DRAM1: variants seen among roughly 807,000 people sequenced by gnomAD.
DRAM1 encodes the protein DNA damage-regulated autophagy modulator protein 1.
Under a neutral mutation model 28.5 loss-of-function variants are expected in DRAM1, and 25 were observed. The observed-to-expected ratio is 0.88, with a 90% CI of 0.64 to 1.23. The LOEUF (loss-of-function observed/expected upper bound fraction) is 1.23. DRAM1 is among the 50% of genes most tolerant of loss of function. The probability of loss-of-function intolerance (pLI) is 0.00; values close to 1 mark genes in which losing one functional copy is unlikely to be tolerated. For synonymous variants in DRAM1, 113 were observed against 114.2 expected, an observed-to-expected ratio of 0.99 and a Z score of 0.07; for missense variants, 249 against 299.2, an observed-to-expected ratio of 0.83 and a Z score of 1.24.
At position 101,922,104 on chromosome 12, in the gene DRAM1, T is replaced by A; in HGVS notation, c.*844T>A. ...CTCAAATTCATTTCATGCCAGTAAA[T>A]GTGGCAAAGAGAAGAAAGGCCCAAG... On this transcript the variant is annotated 3_prime_UTR_variant, in exon 7 of 7. Coordinates refer to ENST00000258534, the MANE Select transcript of DRAM1 (RefSeq NM_018370.3). 6.6e-6 allele frequency: 1 copy of A among 152,140 alleles called. No individual in the cohort carries two copies. Among genetic ancestry groups the A allele is most frequent in the East Asian group, 1.9e-4 (1 of 5,198 alleles). 9.4% of individuals were successfully genotyped at this position (152,140 alleles called of 1,614,324 possible).
chr12:101,917,170 A>C (rs1874277807), intron 5 of DRAM1, among the ~76,000 whole-genome samples: 1 of 152,330 alleles, frequency 6.6e-6, no homozygotes, highest in South Asian at 2.1e-4. Flanking sequence ...CAATGGCAAG[A>C]AGTTAAATAG....
At chr12:101,892,998 A>G (rs1476172831) in intron 1 of DRAM1, among the ~76,000 whole-genome samples, 2 of 152,246 alleles carry the variant, frequency 1.3e-5, no homozygotes. Context: ...GCAAAGGTGT[A>G]GGAATGTGGG....
chr12:101,892,005 A>G (rs1873145415), intron 1 of DRAM1, among the ~76,000 whole-genome samples: 1 of 152,178 alleles, frequency 6.6e-6, no homozygotes, highest in South Asian at 2.1e-4. Flanking sequence ...AAAAATAAAT[A>G]AATAAAAAGA....
Position 101,878,000 on chromosome 12 carries a change from G to T in DRAM1, c.131+80G>T. 1.5e-6 allele frequency: 2 copies of T among 1,355,764 alleles called. No homozygotes were observed. Among genetic ancestry groups the T allele is most frequent in the Admixed American group, 2.7e-5 (1 of 36,808 alleles). 84.0% of individuals were successfully genotyped at this position (1,355,764 alleles called of 1,614,324 possible). Reference sequence around the variant, plus strand: ...AGCGCTGCCGACGGGGAGGGAAGGCGTCCGGACCCAGCTTGGGGCGTCGTG... The same window carrying T: ...AGCGCTGCCGACGGGGAGGGAAGGCTTCCGGACCCAGCTTGGGGCGTCGTG... On this transcript the variant is annotated intron_variant, in intron 1 of 6. Transcript: ENST00000258534. This position sits in a 1 kb window ranked among gnomAD's most constrained non-coding sequence, Gnocchi z 4.1.
In DRAM1 at chr12:101,921,247, A is replaced by T. The variant is rs61748066; in HGVS notation, c.704A>T (p.Asn235Ile). The T allele has an allele frequency of 7.5e-6, 12 of 1,607,126 alleles. No homozygotes were observed. The highest frequency in any genetic ancestry group is 8.5e-7 in the Non-Finnish European group (1 of 1,173,792). The change falls in exon 7 of 7, where the codon AAT (asparagine) becomes ATT (isoleucine). Residue 235 changes from asparagine to isoleucine, a missense_variant. Asn to Ile is a moderately radical substitution (Grantham distance 149, BLOSUM62 -3). This residue lies in a region of DRAM1 where 16 missense variants were observed against 16.2 expected (regional missense o/e 0.99). Coordinates refer to ENST00000258534, the MANE Select transcript of DRAM1 (RefSeq NM_018370.3). ...ACCCTAAGGATATCCACAGAAATCAATGGTGATATTTGAAGAAAGAAGAAT... is the reference window on the plus strand; with the variant it reads ...ACCCTAAGGATATCCACAGAAATCATTGGTGATATTTGAAGAAAGAAGAAT... ...SVTLRISTEI[N>I]GDI
intron 1 of DRAM1, among the ~76,000 whole-genome samples, chr12:101,885,160 C>T (rs1013587680): frequency 2.6e-5 from 4 of 152,090 alleles, no homozygotes; most frequent in Non-Finnish European, 4.4e-5. Flanking sequence ...CTTGAACTCC[C>T]GCCTTGGCCT....
Position 101,897,457 on chromosome 12 carries a change from TC to T in DRAM1, c.132-403del, listed in dbSNP as rs139768199. 0.019 allele frequency among the ~76,000 whole-genome samples: 2,866 copies of T among 152,136 alleles called. 209 individuals carry two copies. In the East Asian group the frequency reaches 0.23, roughly 12 times the overall value. On this transcript the variant is annotated intron_variant, in intron 1 of 6. Coordinates refer to ENST00000258534, the MANE Select transcript of DRAM1 (RefSeq NM_018370.3). ...CTCAGGTGATCCTCCCACCTCCACC[TC>T]CCAAAGTGCTGGGATTACAGGTGTG... is the stretch of plus-strand genomic sequence containing the variant.
chr12:101,900,662 A>G (rs922161082), intron 2 of DRAM1, among the ~76,000 whole-genome samples: 6 of 152,232 alleles, frequency 3.9e-5, no homozygotes, highest in Non-Finnish European at 7.3e-5. Context: ...TGACAGAATT[A>G]AAAAGGCAAG....
chr12:101,884,630 A>G (rs1872816327), intron 1 of DRAM1, among the ~76,000 whole-genome samples: 1 of 152,164 alleles, frequency 6.6e-6, no homozygotes, highest in Non-Finnish European at 1.5e-5. Context: ...CCATGTGAAT[A>G]CAGTTTTGTG....
At chr12:101,895,446 G>A (rs1873323997) in intron 1 of DRAM1, among the ~76,000 whole-genome samples, 1 of 150,810 alleles carries the variant, frequency 6.6e-6, no homozygotes, top group Non-Finnish European at 1.5e-5. Context: ...CAGAAGTCCT[G>A]GAATTACAGG....
intron 3 of DRAM1, among the ~76,000 whole-genome samples, chr12:101,904,162 A>ATT (rs929704585): frequency 8.0e-5 from 12 of 149,694 alleles, no homozygotes; most frequent in African/African-American, 2.7e-4. Flanking sequence ...TGATTTTTGT[A>ATT]TTTTTTTTTA....
intron 5 of DRAM1, among the ~76,000 whole-genome samples, chr12:101,919,347 A>G (rs1434281747): frequency 3.3e-5 from 5 of 151,860 alleles, no homozygotes; most frequent in Admixed American, 3.3e-4. Flanking sequence ...ACACTAGTGT[A>G]TTATTTTCCC....
chr12:101,901,455 G>T (rs768938407), intron 3 of DRAM1, 22 bp downstream of exon 3: 3 of 1,612,410 alleles, frequency 1.9e-6, no homozygotes, highest in Admixed American at 1.7e-5. Context: ...AGCTTTTTCA[G>T]TTATGAGGAG....
At chr12:101,908,668 TGGA>T (rs145006696) in intron 4 of DRAM1, among the ~76,000 whole-genome samples, 16,997 of 151,244 alleles carry the variant, frequency 0.11, 996 homozygotes, top group Middle Eastern at 0.18. Flanking sequence ...CTGGGAAGGG[TGGA>T]GGAGGAGGAG....
chr12:101,895,569 T>TTTGGTTTG (rs1413422450), intron 1 of DRAM1, among the ~76,000 whole-genome samples: 2 of 131,128 alleles, frequency 1.5e-5, no homozygotes, highest in Non-Finnish European at 3.2e-5. Context: ...GGAGGCTATT[T>TTTGGTTTG]TTTTTTTTTT....
At chr12:101,909,512 A>C (rs1873957973) in intron 4 of DRAM1, among the ~76,000 whole-genome samples, 1 of 152,142 alleles carries the variant, frequency 6.6e-6, no homozygotes. Context: ...AAGTCCCTCA[A>C]GGCTAAACTC....
At chr12:101,908,893 CAAAAA>C (rs56843086) in intron 4 of DRAM1, among the ~76,000 whole-genome samples, 1,706 of 70,920 alleles carry the variant, frequency 0.024, 18 homozygotes, top group Non-Finnish European at 0.035. Context: ...TCCCCACAAC[CAAAAA>C]AAAAAAAAAA....
intron 1 of DRAM1, among the ~76,000 whole-genome samples, chr12:101,883,818 C>T (rs1872777171): frequency 6.6e-6 from 1 of 151,168 alleles, no homozygotes; most frequent in Non-Finnish European, 1.5e-5. Flanking sequence ...TGCCTGTAGT[C>T]CCAGCTACTC....
At chr12:101,880,104 G>T (rs1872641413) in intron 1 of DRAM1, among the ~76,000 whole-genome samples, 1 of 151,840 alleles carries the variant, frequency 6.6e-6, no homozygotes, top group South Asian at 2.1e-4. Context: ...CTGTGGTGTG[G>T]TGGTGGGATC....
Sources: allele counts gnomAD v4.1 joint callset (sites outside exome capture counted in the v4.1 genomes callset), GRCh38; gene constraint gnomAD v4.1.1; regional missense constraint gnomAD v4.1.1; non-coding constraint Gnocchi (gnomAD v3.1); transcripts MANE v1.5; gene names NCBI Gene and HGNC (gene_info 2026-07-23, HGNC 2026-07-21).